SPG11: variants seen among roughly 807,000 people sequenced by gnomAD.
SPG11 encodes SPG11 vesicle trafficking associated, spatacsin, also known as spatacsin.
A neutral mutation model predicts 274.0 loss-of-function variants in SPG11; 222 were observed. The observed-to-expected ratio is 0.81, with a 90% CI of 0.73 to 0.91. The LOEUF (loss-of-function observed/expected upper bound fraction) is 0.91, where lower values mean the gene tolerates loss of function less well. SPG11 is among the 40% of genes least tolerant of loss of function. SPG11 has a pLI of 0.00. For missense variants in SPG11, 3,114 were observed against 2,872.7 expected, an observed-to-expected ratio of 1.08 and a Z score of -1.92; for synonymous variants, 1,144 against 1,039.7, an observed-to-expected ratio of 1.10 and a Z score of -1.93.
intron 30 of SPG11, among the ~76,000 whole-genome samples, chr15:44,579,655 T>C (rs950234190): frequency 1.3e-5 from 2 of 151,640 alleles, no homozygotes; most frequent in African/African-American, 4.9e-5. Flanking sequence ...AAAGCAGCTA[T>C]AATACAAATG....
At chr15:44,610,724 T>G in intron 18 of SPG11, 116 bp downstream of exon 18, 1 of 1,096,946 alleles carries the variant, frequency 9.1e-7, no homozygotes. Flanking sequence ...CTCTTTAATC[T>G]AATGAAATAC....
At chr15:44,585,515 T>TTGCATGAAC (rs2082739831) in intron 29 of SPG11, 121 bp downstream of exon 29, 2 of 748,248 alleles carry the variant, frequency 2.7e-6, no homozygotes, top group Admixed American at 2.4e-5. Context: ...GGCAGGAGAA[T>TTGCATGAAC]TGCATGAACC....
intron 19 of SPG11, among the ~76,000 whole-genome samples, chr15:44,607,912 C>T (rs997020429): frequency 1.3e-5 from 2 of 152,168 alleles, no homozygotes; most frequent in South Asian, 2.1e-4. Context: ...TTGATGAAAA[C>T]AGCAGACAGG....
At position 44,659,296 on chromosome 15, in the gene SPG11, G is replaced by A. The variant is rs2085034077; in HGVS notation, c.450C>T (p.Ser150=). 1 of 1,611,734 alleles carries A rather than the reference G, an allele frequency of 6.2e-7. No homozygotes were observed. The highest frequency in any genetic ancestry group is 1.1e-5 in the South Asian group (1 of 90,986). The change falls in exon 3 of 40, where the codon TCC becomes TCT. Residue 150 remains serine (S), a synonymous_variant. Coordinates refer to ENST00000261866, the MANE Select transcript of SPG11 (RefSeq NM_025137.4). ...ATGACAGGATTCTCAAAGACAATAA[G>A]GAAATACCTACAAAACAAAAGGATA... ...KLIDDQDISI[S]LLSLRILSFH... is the part of the protein sequence containing the mutation.
chr15:44,594,016 C>T (rs1018532428), intron 26 of SPG11, among the ~76,000 whole-genome samples: 5 of 150,986 alleles, frequency 3.3e-5, no homozygotes, highest in African/African-American at 9.7e-5. Flanking sequence ...ATGATCCGCC[C>T]GTCTCAGCCT....
At chr15:44,630,034 G>A (rs747870369) in intron 8 of SPG11, among the ~76,000 whole-genome samples, 4 of 151,572 alleles carry the variant, frequency 2.6e-5, no homozygotes, top group South Asian at 2.1e-4. Flanking sequence ...TTGTGCCACC[G>A]TACTCCAGCA....
intron 11 of SPG11, among the ~76,000 whole-genome samples, chr15:44,625,829 G>A (rs1027917371): frequency 7.2e-5 from 11 of 152,132 alleles, no homozygotes; most frequent in African/African-American, 2.4e-4. Flanking sequence ...ACAGGCGCCC[G>A]CCACCACACC....
chr15:44,572,977 G>A (rs1595827307), intron 32 of SPG11, among the ~76,000 whole-genome samples, 157 bp from the exon 33 acceptor site: 2 of 134,140 alleles, frequency 1.5e-5, no homozygotes, highest in East Asian at 2.4e-4. Flanking sequence ...TAGGACAGGA[G>A]TTCTTTTTTT....
Position 44,659,428 on chromosome 15 carries a change from G to A in SPG11, c.443-125C>T, listed in dbSNP as rs745470862. On this transcript the variant is annotated intron_variant, in intron 2 of 39. Coordinates refer to ENST00000261866, the MANE Select transcript of SPG11 (RefSeq NM_025137.4). ...GGAACTGGACTTAGTCTAACTTTAC[G>A]CAGTTATCGTTCACACCCACCTAAG... 52 of 843,850 alleles carry A rather than the reference G, an allele frequency of 6.2e-5. No individual in the cohort carries two copies. The Middle Eastern group carries it at 1.0e-3, about 17-fold the overall frequency. The allele number at this position is 843,850 out of a possible 1,614,324, so 52.3% of individuals were successfully genotyped here. A position where few individuals can be genotyped will look rare whatever the true frequency, so the allele number is the denominator to read the frequency against.
rs764186203 is a variant in SPG11 at position 44,589,411 on chromosome 15, T to TCA, written c.4746_4747insTG (p.Asn1583Ter). 1.4e-5 allele frequency: 23 copies of TCA among 1,613,942 alleles called. No individual in the cohort carries two copies. The highest frequency in any genetic ancestry group is 1.9e-5 in the Non-Finnish European group (23 of 1,179,922). ...GGGTGGACCTTTGTGGCTGCTGTGT[T>TCA]AAGCTATGAAAGAAAAAGAGAAGCT... On this transcript the variant is annotated frameshift_variant, in exon 28 of 40. Coordinates refer to ENST00000261866, the MANE Select transcript of SPG11 (RefSeq NM_025137.4). LOFTEE classifies it high-confidence loss of function.
chr15:44,569,375 G>T, intron 35 of SPG11, 23 bp downstream of exon 35: 1 of 1,509,684 alleles, frequency 6.6e-7, no homozygotes. Context: ...ACCCCATCCT[G>T]GAGCTCATTA....
At chr15:44,657,026 G>A (rs966749709) in intron 4 of SPG11, 69 bp downstream of exon 4, 25 of 1,342,532 alleles carry the variant, frequency 1.9e-5, no homozygotes, top group Middle Eastern at 1.8e-4. Flanking sequence ...AAAAACTAAC[G>A]AGGATATTTT....
chr15:44,584,065 C>T lies in SPG11; in HGVS notation c.5615G>A (p.Trp1872Ter). 6.2e-7 allele frequency: 1 copy of T among 1,614,230 alleles called. No individual in the cohort carries two copies. Among genetic ancestry groups the T allele is most frequent in the Non-Finnish European group, 8.5e-7 (1 of 1,180,042 alleles). The change falls in exon 30 of 40, where the codon TGG becomes TAG. Residue 1872 changes from tryptophan (W) to a stop codon, truncating the protein, a stop_gained. Transcript: ENST00000261866. LOFTEE classifies it high-confidence loss of function. ...AAAGTTTAGTGACTCCTGCTCTTTCCAATCCAATCTATTCTCGCATGTCTC... is the reference window on the plus strand; with the variant it reads ...AAAGTTTAGTGACTCCTGCTCTTTCTAATCCAATCTATTCTCGCATGTCTC... ...SKETCENRLD[W>*]KEQESLNFLI...
intron 4 of SPG11, among the ~76,000 whole-genome samples, chr15:44,656,356 G>A (rs940284976): frequency 2.6e-5 from 4 of 152,256 alleles, no homozygotes; most frequent in Admixed American, 2.0e-4. Context: ...AATCAGGGTT[G>A]AAATTTTGCC....
intron 30 of SPG11, among the ~76,000 whole-genome samples, chr15:44,575,620 G>A (rs1418303542): frequency 2.0e-5 from 3 of 150,796 alleles, no homozygotes; most frequent in South Asian, 2.1e-4. Flanking sequence ...TCAGCCTCTC[G>A]AGTAGCTGGG....
chr15:44,588,467 G>A (rs959719511), intron 28 of SPG11: 1 of 154,614 alleles, frequency 6.5e-6, no homozygotes, highest in Non-Finnish European at 1.4e-5. Flanking sequence ...AAAAATTGTA[G>A]AGGAAAAACT....
intron 18 of SPG11, 92 bp downstream of exon 18, chr15:44,610,748 T>C (rs1055412056): frequency 6.5e-6 from 8 of 1,230,340 alleles, no homozygotes; most frequent in African/African-American, 4.5e-5. Context: ...AATATAGTTA[T>C]ATTTTAATAT....
rs1022320634 is a variant in SPG11 at position 44,610,948 on chromosome 15, A to C, written c.3183T>G (p.Ala1061=). The change falls in exon 18 of 40, where the codon GCT becomes GCG. Residue 1061 remains alanine, a synonymous_variant. Coordinates refer to ENST00000261866, the MANE Select transcript of SPG11 (RefSeq NM_025137.4). The part of the protein sequence containing the change: ...KLIFQASLAN[A]QILIPTNQAS... ...CCTGATTGGTGGGAATCAAAATCTG[A>C]GCATTTGCAAGGCTAGCCTGGAAGA... 6.2e-7 allele frequency: 1 copy of C among 1,614,056 alleles called. No individual in the cohort carries two copies.
At position 44,657,198 on chromosome 15, in the gene SPG11, T is replaced by C. The variant is rs1446545320; in HGVS notation, c.766A>G (p.Ile256Val). 2.5e-6 allele frequency: 4 copies of C among 1,614,054 alleles called. No homozygotes were observed. The highest frequency in any genetic ancestry group is 3.4e-6 in the Non-Finnish European group (4 of 1,180,016). Residue 256 changes from isoleucine (I) to valine (V), a missense_variant, in exon 4 of 40, where the codon ATT (isoleucine) becomes GTT (valine). Physicochemically the swap from Ile to Val is conservative, Grantham distance 29 (BLOSUM62 3). Transcript: ENST00000261866. ...ACTTTCAGTGAAGTAAATGAAGAAA[T>C]CTTGGCTGGCTCCTGTTGCTGCTCA... ...CNEQQQEPAK[I>V]SSFTSLKVSQ...
Sources: gnomAD v4.1 joint callset for allele counts (sites outside exome capture counted in the v4.1 genomes callset) on GRCh38, gnomAD v4.1.1 for gene constraint, MANE v1.5 for transcripts, NCBI Gene and HGNC (gene_info 2026-07-23, HGNC 2026-07-21) for gene names.